Variants in SFMBT2 observed in about 807,000 individuals in gnomAD.
SFMBT2 encodes Scm like with four mbt domains 2.
Under a neutral mutation model 110.1 loss-of-function variants are expected in SFMBT2, and 38 were observed. That is an observed-to-expected ratio of 0.35 (90% CI 0.27 to 0.45). The LOEUF is 0.45. Among genes scored for constraint, SFMBT2 ranks in the 20% least tolerant of loss-of-function variants. The pLI is 1.00. For synonymous variants in SFMBT2, 425 were observed against 425.4 expected, an observed-to-expected ratio of 1.00 and a Z score of 0.01; for missense variants, 1,011 against 1,094.9, an observed-to-expected ratio of 0.92 and a Z score of 1.08.
chr10:7,262,442 A>G (rs1259766462), intron 7 of SFMBT2, among the ~76,000 whole-genome samples: 1 of 152,208 alleles, frequency 6.6e-6, no homozygotes, highest in Non-Finnish European at 1.5e-5. Context: ...CAAGAGATGT[A>G]TCCCCTTTGC....
chr10:7,284,155 T>A lies in SFMBT2; in HGVS notation c.526-5A>T. On this transcript the variant is annotated splice_polypyrimidine_tract_variant and splice_region_variant and intron_variant, in intron 5 of 20. Transcript: ENST00000397167. The stretch of plus-strand genomic sequence containing the variant: ...AGGGCCTTTCCCTCGCAGAGGCTGT[T>A]TAAACAGAAGCAAAACTCCTTATTT... The A allele has an allele frequency of 6.2e-7, 1 of 1,608,352 alleles. No individual in the cohort carries two copies. The highest frequency in any genetic ancestry group is 8.5e-7 in the Non-Finnish European group (1 of 1,177,890).
chr10:7,186,418 CTATA>C (rs140134868), intron 16 of SFMBT2, among the ~76,000 whole-genome samples: 14 of 130,504 alleles, frequency 1.1e-4, no homozygotes, highest in South Asian at 4.8e-4. Context: ...TACATACATA[CTATA>C]TATACACACA....
chr10:7,177,907 G>T (rs1205336271), intron 16 of SFMBT2, among the ~76,000 whole-genome samples: 1 of 152,070 alleles, frequency 6.6e-6, no homozygotes, highest in Non-Finnish European at 1.5e-5. Context: ...GCCACCAGGG[G>T]TGTACATGCA....
intron 14 of SFMBT2, chr10:7,198,076 CAA>C (rs1223093125): frequency 2.0e-6 from 2 of 985,316 alleles, no homozygotes; most frequent in Non-Finnish European, 2.4e-6. Flanking sequence ...TCATGCCACA[CAA>C]GTGTGTCAAC....
Position 7,408,424 on chromosome 10 carries a change from C to G in SFMBT2, c.-52+2437G>C, listed in dbSNP as rs542979550. Among the ~76,000 whole-genome samples, 1 of 152,386 alleles carries G rather than the reference C, an allele frequency of 6.6e-6. No individual in the cohort carries two copies. Among genetic ancestry groups the G allele is most frequent in the South Asian group, 2.1e-4 (1 of 4,832 alleles). Reference sequence around the variant, plus strand: ...ACCCTGTCTAGCCTCGTTCTGCGCTCCTGCAAACCACGTTGCTGCGCTAAC... The same window carrying G: ...ACCCTGTCTAGCCTCGTTCTGCGCTGCTGCAAACCACGTTGCTGCGCTAAC... On this transcript the variant is annotated intron_variant, in intron 1 of 20. Transcript: ENST00000397167. This position sits in a 1 kb window ranked among gnomAD's most constrained non-coding sequence, Gnocchi z 5.7.
intron 10 of SFMBT2, among the ~76,000 whole-genome samples, chr10:7,223,629 T>C (rs74858753): frequency 0.011 from 1,725 of 152,336 alleles, 36 homozygotes; most frequent in African/African-American, 0.039. Flanking sequence ...ATAAATTTGT[T>C]GATTTCAAAT....
intron 4 of SFMBT2, among the ~76,000 whole-genome samples, chr10:7,342,856 C>T (rs754248521): frequency 6.6e-6 from 1 of 152,114 alleles, no homozygotes; most frequent in Non-Finnish European, 1.5e-5. Context: ...CAAAAATTGT[C>T]GAAAGCAATG....
intron 4 of SFMBT2, among the ~76,000 whole-genome samples, chr10:7,355,337 T>C (rs1442162806): frequency 6.6e-6 from 1 of 152,130 alleles, no homozygotes; most frequent in Non-Finnish European, 1.5e-5. Context: ...TATCTATTTT[T>C]TCAGCACTGA....
chr10:7,402,636 A>G (rs1209251100), intron 1 of SFMBT2, among the ~76,000 whole-genome samples: 3 of 152,140 alleles, frequency 2.0e-5, no homozygotes, highest in East Asian at 1.9e-4. Context: ...TTTTCCACCA[A>G]TATAGAGCAA....
At chr10:7,360,702 A>G (rs904737224) in intron 4 of SFMBT2, among the ~76,000 whole-genome samples, 3 of 152,206 alleles carry the variant, frequency 2.0e-5, no homozygotes, top group African/African-American at 7.2e-5. Context: ...CAAAAGTTAC[A>G]AACACATACA....
intron 4 of SFMBT2, among the ~76,000 whole-genome samples, chr10:7,349,977 T>C (rs1255392628): frequency 1.3e-5 from 2 of 152,228 alleles, no homozygotes; most frequent in East Asian, 1.9e-4. Context: ...CAGCACCTCA[T>C]AGGCGCATGC....
In SFMBT2 at chr10:7,410,105, G is replaced by GCTGGTT. The variant is rs1480060284; in HGVS notation, c.-52+755_-52+756insAACCAG. On this transcript the variant is annotated intron_variant, in intron 1 of 20. Transcript: ENST00000397167. ...AAAATAAACTCCAGAACCAGCTCAA[G>GCTGGTT]TCAGCAATTTTGAAAGGGGGTCGAA... is the stretch of plus-strand genomic sequence containing the variant. Among the ~76,000 whole-genome samples the GCTGGTT allele has an allele frequency of 4.6e-5, 7 of 152,292 alleles. No individual in the cohort carries two copies. In the East Asian group the frequency reaches 1.3e-3, roughly 29 times the overall value.
At chr10:7,364,082 G>T (rs116218715) in intron 4 of SFMBT2, among the ~76,000 whole-genome samples, 8 of 152,002 alleles carry the variant, frequency 5.3e-5, no homozygotes, top group East Asian at 1.9e-4. Flanking sequence ...TGTTCCCTCC[G>T]GAACAACTGC....
intron 6 of SFMBT2, among the ~76,000 whole-genome samples, chr10:7,278,929 AC>A: frequency 6.6e-6 from 1 of 152,156 alleles, no homozygotes; most frequent in East Asian, 1.9e-4. Flanking sequence ...ATTTAAAAAA[AC>A]AAAACAAAAC....
At chr10:7,249,281 C>T (rs576159501) in intron 7 of SFMBT2, 1 of 173,836 alleles carries the variant, frequency 5.8e-6, no homozygotes, top group African/African-American at 2.4e-5. Context: ...AGGGGTCTGG[C>T]AGTTTTATAA....
At chr10:7,370,465 C>A in intron 2 of SFMBT2, 90 bp from the exon 3 acceptor site, 1 of 1,068,180 alleles carries the variant, frequency 9.4e-7, no homozygotes, top group South Asian at 1.3e-5. Context: ...ATCCTTCATA[C>A]AAGACACAAG....
intron 7 of SFMBT2, among the ~76,000 whole-genome samples, chr10:7,263,674 C>T (rs1378819413): frequency 6.6e-6 from 1 of 152,204 alleles, no homozygotes; most frequent in Non-Finnish European, 1.5e-5. Flanking sequence ...GGGCTTAAGG[C>T]AAATGCCTGG....
chr10:7,334,270 A>G (rs1270165748), intron 4 of SFMBT2, among the ~76,000 whole-genome samples: 1 of 151,972 alleles, frequency 6.6e-6, no homozygotes, highest in African/African-American at 2.4e-5. Context: ...AGCCTCCGAG[A>G]GGCCACCCCC....
intron 7 of SFMBT2, among the ~76,000 whole-genome samples, chr10:7,263,281 G>A (rs1001420796): frequency 4.6e-5 from 7 of 151,528 alleles, no homozygotes; most frequent in African/African-American, 1.2e-4. Context: ...CTCCCTCGTC[G>A]CCCAGGCTGG....
Sources: gnomAD v4.1 joint callset for allele counts (sites outside exome capture counted in the v4.1 genomes callset) on GRCh38, gnomAD v4.1.1 for gene constraint, Gnocchi (gnomAD v3.1) non-coding constraint, MANE v1.5 for transcripts, NCBI Gene and HGNC (gene_info 2026-07-23, HGNC 2026-07-21) for gene names.